Variants in GCNT2 observed in about 807,000 individuals in gnomAD.
The protein encoded by GCNT2 is N-acetyllactosaminide beta-1,6-N-acetylglucosaminyl-transferase.
A neutral mutation model predicts 34.2 loss-of-function variants in GCNT2; 34 were observed. The ratio of observed to expected loss-of-function variants is 1.00; its 90% confidence interval spans 0.76 to 1.32. The LOEUF (loss-of-function observed/expected upper bound fraction) is 1.32. Among genes scored for constraint, GCNT2 ranks in the 40% most tolerant of loss-of-function variants. The pLI is 0.00. For missense variants in GCNT2, 584 were observed against 489.4 expected, an observed-to-expected ratio of 1.19 and a Z score of -1.82; for synonymous variants, 212 against 188.0, an observed-to-expected ratio of 1.13 and a Z score of -1.04.
At chr6:10,548,904 G>A (rs548431197) in intron 3 of GCNT2, among the ~76,000 whole-genome samples, 3 of 152,184 alleles carry the variant, frequency 2.0e-5, no homozygotes, top group South Asian at 2.1e-4. Flanking sequence ...GATTACAGGC[G>A]CATGCCACCA....
At chr6:10,616,188 T>C (rs1421840791) in intron 3 of GCNT2, among the ~76,000 whole-genome samples, 4 of 152,214 alleles carry the variant, frequency 2.6e-5, no homozygotes, top group Non-Finnish European at 4.4e-5. Flanking sequence ...GTGAGCGTTA[T>C]ATCTTTCAAG....
chr6:10,560,065 AC>A (rs1464929746), intron 3 of GCNT2, among the ~76,000 whole-genome samples: 1 of 152,056 alleles, frequency 6.6e-6, no homozygotes, highest in African/African-American at 2.4e-5. Flanking sequence ...TTCTTATATA[AC>A]CACACAGCCG....
intron 3 of GCNT2, among the ~76,000 whole-genome samples, chr6:10,610,163 T>G (rs370171271): frequency 6.6e-6 from 1 of 152,216 alleles, no homozygotes; most frequent in Non-Finnish European, 1.5e-5. Flanking sequence ...GCAATGCTAT[T>G]ATCAACCAGC....
Position 10,542,491 on chromosome 6 carries a change from T to C in GCNT2, c.925+12655T>C, listed in dbSNP as rs1396036299. On this transcript the variant is annotated intron_variant, in intron 3 of 4. Transcript: ENST00000495262. ...CCCCGGCTAATGTAGAATCATTTTA[T>C]TACTACACAAAGAAACCTCATGACC... 5.9e-5 allele frequency among the ~76,000 whole-genome samples: 9 copies of C among 152,350 alleles called. No homozygotes were observed. In the South Asian group the frequency reaches 8.3e-4, roughly 14 times the overall value.
At chr6:10,601,810 G>A (rs754528830) in intron 3 of GCNT2, among the ~76,000 whole-genome samples, 68 of 151,792 alleles carry the variant, frequency 4.5e-4, no homozygotes, top group Non-Finnish European at 8.2e-4. Context: ...GCGTGGTGGC[G>A]GGTGCCTGTA....
chr6:10,550,619 T>A (rs1266848653), intron 3 of GCNT2, among the ~76,000 whole-genome samples: 1 of 152,176 alleles, frequency 6.6e-6, no homozygotes, highest in Non-Finnish European at 1.5e-5. Context: ...GCCACCCAAG[T>A]AGATGGCATG....
Position 10,528,878 on chromosome 6 carries a change from A to C in GCNT2, c.-34A>C. ...ATATCTACACTCTGATCCTATCTCA[A>C]GAGAGAGATATTTTACTCATTTCCT... On this transcript the variant is annotated 5_prime_UTR_variant, in exon 3 of 5. Coordinates refer to ENST00000495262, the MANE Select transcript of GCNT2 (RefSeq NM_145649.5). 1 of 1,468,790 alleles carries C rather than the reference A, an allele frequency of 6.8e-7. No homozygotes were observed. Among genetic ancestry groups the C allele is most frequent in the Non-Finnish European group, 9.5e-7 (1 of 1,048,398 alleles). 91.0% of individuals were successfully genotyped at this position (1,468,790 alleles called of 1,614,324 possible). A position where few individuals can be genotyped will look rare whatever the true frequency, so the allele number is the denominator to read the frequency against.
At chr6:10,608,947 G>C (rs1393231904) in intron 3 of GCNT2, among the ~76,000 whole-genome samples, 1 of 152,216 alleles carries the variant, frequency 6.6e-6, no homozygotes, top group African/African-American at 2.4e-5. Flanking sequence ...GTTGGGGCCA[G>C]GGTGGCCAGA....
chr6:10,627,577 G>T lies in GCNT2; in HGVS notation c.*970G>T, dbSNP rs1766316336. 6.6e-6 allele frequency: 1 copy of T among 152,166 alleles called. No homozygotes were observed. Among genetic ancestry groups the T allele is most frequent in the Admixed American group, 6.5e-5 (1 of 15,276 alleles). The allele number at this position is 152,166 out of a possible 1,614,324, so 9.4% of individuals were successfully genotyped here. ...TTTTTAAGAGCCTTCAATTGTAGAT[G>T]AACATCTCTGTTATTTATCCCTCAT... is the stretch of plus-strand genomic sequence containing the variant. On this transcript the variant is annotated 3_prime_UTR_variant, in exon 5 of 5. Transcript: ENST00000495262.
intron 3 of GCNT2, among the ~76,000 whole-genome samples, chr6:10,533,710 G>T (rs1483798630): frequency 6.9e-6 from 1 of 145,068 alleles, no homozygotes; most frequent in East Asian, 2.1e-4. Context: ...AATCGCTTCA[G>T]CGATTTAGGA....
intron 3 of GCNT2, among the ~76,000 whole-genome samples, chr6:10,538,437 A>AAT (rs1554127248): frequency 0.075 from 5,453 of 72,416 alleles, 249 homozygotes; most frequent in African/African-American, 0.099. Context: ...AAAAAAAAAA[A>AAT]ATATATATAT....
intron 3 of GCNT2, chr6:10,586,528 C>T: frequency 1.2e-6 from 2 of 1,614,168 alleles, no homozygotes; most frequent in East Asian, 4.5e-5. Flanking sequence ...CTTGTCGCCT[C>T]TGAGGTTCCC....
At chr6:10,626,366 C>T in intron 4 of GCNT2, 51 bp from the exon 5 acceptor site, 2 of 1,346,854 alleles carry the variant, frequency 1.5e-6, no homozygotes, top group Non-Finnish European at 2.1e-6. Flanking sequence ...GTTCATCACC[C>T]TTTTGAAAGC....
chr6:10,551,909 C>T (rs1762498807), intron 3 of GCNT2, among the ~76,000 whole-genome samples: 1 of 151,936 alleles, frequency 6.6e-6, no homozygotes, highest in African/African-American at 2.4e-5. Context: ...AGGTGCCCGC[C>T]ACCATGCCCA....
intron 3 of GCNT2, among the ~76,000 whole-genome samples, chr6:10,542,751 A>G (rs1561788053): frequency 6.6e-6 from 1 of 152,054 alleles, no homozygotes; most frequent in African/African-American, 2.4e-5. Context: ...TCATCCATTG[A>G]TGGACATTTG....
intron 3 of GCNT2, among the ~76,000 whole-genome samples, chr6:10,560,246 G>A (rs1371092353): frequency 1.3e-5 from 2 of 151,886 alleles, no homozygotes; most frequent in Non-Finnish European, 2.9e-5. Flanking sequence ...CCACCATCAC[G>A]CCCGGTTAAT....
Position 10,529,840 on chromosome 6 carries a change from T to C in GCNT2, c.925+4T>C, listed in dbSNP as rs778110045. On this transcript the variant is annotated splice_donor_region_variant and intron_variant, in intron 3 of 4. Transcript: ENST00000495262. ...GTGACACTCAACAGGATTCCCGGTA[T>C]GTACGTCTCTTAACTTTTATTTTTA... 11 of 1,607,870 alleles carry C rather than the reference T, an allele frequency of 6.8e-6. No individual in the cohort carries two copies. The Admixed American group carries it at 1.5e-4, about 22-fold the overall frequency.
intron 3 of GCNT2, among the ~76,000 whole-genome samples, chr6:10,569,275 C>CACACACACACACACACTCACACACACACA (rs1491437125): frequency 9.9e-6 from 1 of 101,332 alleles, no homozygotes; most frequent in Non-Finnish European, 2.0e-5. Context: ...ACACACACAC[C>CACACACACACACACACTCACACACACACA]CCCTAGGTAA....
At chr6:10,555,993 C>T in intron 3 of GCNT2, 1 of 1,093,056 alleles carries the variant, frequency 9.1e-7, no homozygotes, top group African/African-American at 1.7e-5. Context: ...CTCATCACTT[C>T]AACTCTGGCT....
Sources: gnomAD v4.1 joint callset for allele counts (sites outside exome capture counted in the v4.1 genomes callset) on GRCh38, gnomAD v4.1.1 for gene constraint, MANE v1.5 for transcripts, NCBI Gene and HGNC (gene_info 2026-07-23, HGNC 2026-07-21) for gene names.